STARD13: variants seen among roughly 807,000 people sequenced by gnomAD.
STARD13 encodes the protein stAR-related lipid transfer protein 13.
In STARD13, 62 loss-of-function variants were observed where a neutral mutation model predicts 106.4. That is an observed-to-expected ratio of 0.58 (90% CI 0.48 to 0.72). The LOEUF is 0.72. Ranked by LOEUF, STARD13 falls within the 30% of genes least tolerant of loss-of-function variation. The pLI is 0.00. For synonymous variants in STARD13, 565 were observed against 553.0 expected (o/e 1.02, Z -0.31); for missense variants, 1,387 against 1,424.0 (o/e 0.97, Z 0.42).
chr13:33,238,448 A>T (rs1472963422), intron 1 of STARD13, among the ~76,000 whole-genome samples: 1 of 152,174 alleles, frequency 6.6e-6, no homozygotes, highest in African/African-American at 2.4e-5. Flanking sequence ...AGTGAGTGAT[A>T]AAAAAGTTTA....
intron 1 of STARD13, among the ~76,000 whole-genome samples, chr13:33,222,988 G>A (rs1379006567): frequency 2.0e-5 from 3 of 152,174 alleles, no homozygotes; most frequent in East Asian, 1.9e-4. Context: ...TGGTAAATAC[G>A]ATAACTTTCA....
intron 5 of STARD13, among the ~76,000 whole-genome samples, chr13:33,128,587 G>C (rs1288041763): frequency 6.6e-6 from 1 of 152,212 alleles, no homozygotes. Context: ...AGGAAGGTCA[G>C]GGGAAGAGTC....
the STARD13 span, among the ~76,000 whole-genome samples, chr13:33,423,330 G>A: frequency 6.6e-6 from 1 of 152,146 alleles, no homozygotes; most frequent in Non-Finnish European, 1.5e-5. Flanking sequence ...GCAGCCAACA[G>A]ACACATGAAA....
the STARD13 span, among the ~76,000 whole-genome samples, chr13:33,652,461 GAA>G: frequency 6.6e-6 from 1 of 152,268 alleles, no homozygotes; most frequent in East Asian, 1.9e-4. Flanking sequence ...AAACATCATT[GAA>G]AGTTATTCTG....
chr13:33,374,812 G>C, the STARD13 span, among the ~76,000 whole-genome samples: 4 of 152,008 alleles, frequency 2.6e-5, no homozygotes, highest in African/African-American at 9.7e-5. Context: ...ACAGTGTAGA[G>C]CAGTGTTTGT....
Position 33,111,795 on chromosome 13 carries a change from A to G in STARD13, c.2590T>C (p.Cys864Arg), listed in dbSNP as rs1188875986. 3.1e-6 allele frequency: 5 copies of G among 1,613,904 alleles called. No individual in the cohort carries two copies. Among genetic ancestry groups the G allele is most frequent in the Non-Finnish European group, 4.2e-6 (5 of 1,179,884 alleles). ...AQGLAHMIME[C>R]DRLFEVPHEL... ...TTGCTCACCTCAAAAAGTCTGTCGCATTCCATGATCATGTGCGCTAGCCCC... is the reference window on the plus strand; with the variant it reads ...TTGCTCACCTCAAAAAGTCTGTCGCGTTCCATGATCATGTGCGCTAGCCCC... The change falls in exon 10 of 14, where the codon TGC (cysteine) becomes CGC (arginine). Residue 864 changes from cysteine (C) to arginine (R), a missense_variant. Physicochemically the swap from Cys to Arg is radical, Grantham distance 180. Transcript: ENST00000336934.
chr13:33,329,657 G>A (rs1285413657), intron 1 of STARD13, among the ~76,000 whole-genome samples: 5 of 8,768 alleles, frequency 5.7e-4, no homozygotes, highest in Admixed American at 1.4e-3. Flanking sequence ...GTGTGTGTAT[G>A]TGTGTGTGTG....
At chr13:33,210,211 C>G (rs1436930862) in intron 1 of STARD13, among the ~76,000 whole-genome samples, 1 of 152,182 alleles carries the variant, frequency 6.6e-6, no homozygotes, top group Non-Finnish European at 1.5e-5. Flanking sequence ...ACTGAGGAAG[C>G]AGAACTTACT....
At chr13:33,542,974 C>T in the STARD13 span, among the ~76,000 whole-genome samples, 2 of 152,198 alleles carry the variant, frequency 1.3e-5, no homozygotes, top group African/African-American at 4.8e-5. Flanking sequence ...AGTTCCCGCG[C>T]GGGAGGGACT....
the STARD13 span, among the ~76,000 whole-genome samples, chr13:33,653,660 A>C: frequency 6.7e-6 from 1 of 149,264 alleles, no homozygotes. Context: ...CAAGCAGCAA[A>C]ACAGAAAAAA....
At chr13:33,399,918 A>T in the STARD13 span, among the ~76,000 whole-genome samples, 1 of 152,194 alleles carries the variant, frequency 6.6e-6, no homozygotes, top group East Asian at 1.9e-4. Flanking sequence ...ATGACTATTC[A>T]TTTTTTAATT....
the STARD13 span, among the ~76,000 whole-genome samples, chr13:33,415,777 T>A: frequency 2.6e-5 from 4 of 152,230 alleles, no homozygotes. Flanking sequence ...ACATCCTTAA[T>A]CTTCTTTAAA....
Position 33,217,675 on chromosome 13 carries a change from A to G in STARD13, c.170-50053T>C, listed in dbSNP as rs866328006. ...GAAGATACAAGATAAAACCTCCAAG[A>G]GAGCAAGGGAGGAGAGTGATGCTCC... is the stretch of plus-strand genomic sequence containing the variant. On this transcript the variant is annotated intron_variant, in intron 1 of 13. Coordinates refer to ENST00000336934, the MANE Select transcript of STARD13 (RefSeq NM_178006.4). Among the ~76,000 whole-genome samples, 17 of 152,340 alleles carry G rather than the reference A, an allele frequency of 1.1e-4. 1 individual carries two copies. The Middle Eastern group carries it at 0.02, about 183-fold the overall frequency.
At chr13:33,437,701 A>T in the STARD13 span, among the ~76,000 whole-genome samples, 3 of 152,358 alleles carry the variant, frequency 2.0e-5, no homozygotes, top group South Asian at 4.1e-4. Context: ...ATCTGCATGG[A>T]AATTGGAATT....
chr13:33,573,107 A>T, the STARD13 span, among the ~76,000 whole-genome samples: 1 of 152,166 alleles, frequency 6.6e-6, no homozygotes, highest in Non-Finnish European at 1.5e-5. Context: ...GGTGATGGTG[A>T]TGTGGGTTCC....
At chr13:33,366,444 A>G in the STARD13 span, among the ~76,000 whole-genome samples, 1 of 152,222 alleles carries the variant, frequency 6.6e-6, no homozygotes, top group Non-Finnish European at 1.5e-5. This position sits in a 1 kb window ranked among gnomAD's most constrained non-coding sequence, Gnocchi z 4.2. Flanking sequence ...GATTATTTAG[A>G]AATAACTTCA....
At chr13:33,142,465 A>T in intron 3 of STARD13, 92 bp from the exon 4 acceptor site, 1 of 1,129,428 alleles carries the variant, frequency 8.9e-7, no homozygotes, top group Non-Finnish European at 1.3e-6. Context: ...GTAAAGTTGA[A>T]ACTGCAGGAA....
chr13:33,113,881 T>C (rs1221841838), intron 8 of STARD13, among the ~76,000 whole-genome samples: 1 of 152,188 alleles, frequency 6.6e-6, no homozygotes, highest in African/African-American at 2.4e-5. Context: ...TATTTCATGA[T>C]CACTTTAGTC....
At chr13:33,537,405 A>G in the STARD13 span, among the ~76,000 whole-genome samples, 1 of 152,252 alleles carries the variant, frequency 6.6e-6, no homozygotes, top group Non-Finnish European at 1.5e-5. Context: ...AGAACCCACT[A>G]TGTATCAGAC....
Sources: gnomAD v4.1 joint callset for allele counts (sites outside exome capture counted in the v4.1 genomes callset) on GRCh38, gnomAD v4.1.1 for gene constraint, Gnocchi (gnomAD v3.1) non-coding constraint, MANE v1.5 for transcripts, NCBI Gene and HGNC (gene_info 2026-07-23, HGNC 2026-07-21) for gene names.